Variants in SUGCT observed in about 807,000 individuals in gnomAD.
SUGCT encodes the protein succinyl-CoA:glutarate-CoA transferase.
In SUGCT, 41 loss-of-function variants were observed where a neutral mutation model predicts 55.0. That is an observed-to-expected ratio of 0.74 (90% confidence interval 0.58 to 0.97). The LOEUF is 0.97. Ranked by LOEUF, SUGCT falls within the 50% of genes least tolerant of loss-of-function variation. The pLI is 0.00. For synonymous variants in SUGCT, 187 were observed against 200.4 expected, an observed-to-expected ratio of 0.93 and a Z score of 0.56; for missense variants, 568 against 547.8, an observed-to-expected ratio of 1.04 and a Z score of -0.37.
intron 12 of SUGCT, among the ~76,000 whole-genome samples, chr7:40,623,751 C>T (rs536402055): frequency 3.9e-5 from 6 of 152,118 alleles, no homozygotes; most frequent in South Asian, 2.1e-4. Flanking sequence ...CACACACATT[C>T]CAGTGTGTAA....
the SUGCT span, among the ~76,000 whole-genome samples, chr7:40,881,865 G>A: frequency 1.3e-5 from 2 of 152,140 alleles, no homozygotes; most frequent in African/African-American, 4.8e-5. Context: ...GTAAGCCCTG[G>A]AAAAAGGCAT....
intron 13 of SUGCT, among the ~76,000 whole-genome samples, chr7:40,816,394 GTTAGCACTA>G (rs1791672087): frequency 2.0e-5 from 3 of 152,190 alleles, no homozygotes; most frequent in African/African-American, 7.2e-5. Context: ...CTTTCCCCAA[GTTAGCACTA>G]GGGCTTGGGA....
At chr7:40,475,548 G>A (rs149934748) in intron 11 of SUGCT, among the ~76,000 whole-genome samples, 1 of 152,224 alleles carries the variant, frequency 6.6e-6, no homozygotes, top group African/African-American at 2.4e-5. Context: ...AAACCATATT[G>A]GTGACTAATT....
At chr7:40,520,472 A>G (rs1056703330) in intron 12 of SUGCT, among the ~76,000 whole-genome samples, 1 of 152,128 alleles carries the variant, frequency 6.6e-6, no homozygotes, top group Non-Finnish European at 1.5e-5. Context: ...TCTTAACATC[A>G]AGAGAAATAA....
At chr7:40,987,954 C>CTG in the SUGCT span, among the ~76,000 whole-genome samples, 1 of 151,872 alleles carries the variant, frequency 6.6e-6, no homozygotes, top group Non-Finnish European at 1.5e-5. Flanking sequence ...CTCTTTCTCT[C>CTG]TGTGTGTGTC....
At chr7:40,371,460 T>C (rs970269410) in intron 9 of SUGCT, among the ~76,000 whole-genome samples, 50 of 152,152 alleles carry the variant, frequency 3.3e-4, no homozygotes, top group Non-Finnish European at 8.8e-5. Context: ...GGAATGCAGC[T>C]GTGGAGTCCG....
At chr7:40,596,044 C>T (rs1035403535) in intron 12 of SUGCT, among the ~76,000 whole-genome samples, 7 of 152,086 alleles carry the variant, frequency 4.6e-5, no homozygotes, top group African/African-American at 1.7e-4. Flanking sequence ...TCATTTTATT[C>T]GGGACATGGC....
chr7:40,955,139 A>G, the SUGCT span, among the ~76,000 whole-genome samples: 629 of 152,314 alleles, frequency 4.1e-3, 2 homozygotes, highest in African/African-American at 0.013. Context: ...GTGGTTCCAT[A>G]TAAAATTTAA....
chr7:40,396,365 A>G (rs769655035), intron 9 of SUGCT, among the ~76,000 whole-genome samples: 1 of 152,158 alleles, frequency 6.6e-6, no homozygotes, highest in Non-Finnish European at 1.5e-5. Flanking sequence ...CCTGAAAAGT[A>G]CTCATTGATG....
chr7:40,566,316 T>C (rs1209799937), intron 12 of SUGCT, among the ~76,000 whole-genome samples: 1 of 152,216 alleles, frequency 6.6e-6, no homozygotes, highest in East Asian at 1.9e-4. Context: ...TCAGGACATT[T>C]GGCCGTCGTG....
intron 1 of SUGCT, among the ~76,000 whole-genome samples, chr7:40,171,693 C>CT (rs1358987076): frequency 6.6e-6 from 1 of 152,208 alleles, no homozygotes; most frequent in Non-Finnish European, 1.5e-5. Flanking sequence ...TCTACTGCTG[C>CT]TAAGCAAAGC....
At chr7:40,957,771 A>T in the SUGCT span, among the ~76,000 whole-genome samples, 2 of 151,766 alleles carry the variant, frequency 1.3e-5, no homozygotes, top group African/African-American at 4.8e-5. Context: ...TGGACTTTAC[A>T]TTTTTGTATG....
chr7:40,197,622 A>G (rs1584318067), intron 6 of SUGCT, among the ~76,000 whole-genome samples: 2 of 152,112 alleles, frequency 1.3e-5, no homozygotes, highest in South Asian at 4.1e-4. Flanking sequence ...GAACAAGCCC[A>G]TTTTCACCAG....
intron 13 of SUGCT, among the ~76,000 whole-genome samples, chr7:40,819,492 A>G (rs1221812221): frequency 6.6e-6 from 1 of 151,964 alleles, no homozygotes; most frequent in East Asian, 1.9e-4. Context: ...TTTGATTTGC[A>G]TTTCTCTGAT....
At position 40,193,279 on chromosome 7, in the gene SUGCT, T is replaced by TG. The variant is rs201632767; in HGVS notation, c.364-1660dup. On this transcript the variant is annotated intron_variant, in intron 5 of 13. Transcript: ENST00000335693. ...AGCTATTTGGCCTGGCCAATTACTG[T>TG]GTTTTTTTTTTTTTTTTTTTTTTGA... Among the ~76,000 whole-genome samples, 247 of 124,982 alleles carry TG rather than the reference T, an allele frequency of 2.0e-3. 11 individuals carry two copies. The highest frequency in any genetic ancestry group is 8.4e-3 in the South Asian group (27 of 3,218). 82.0% of individuals were successfully genotyped at this position (124,982 alleles called of 152,430 possible). A position where few individuals can be genotyped will look rare whatever the true frequency, so the allele number is the denominator to read the frequency against.
At chr7:40,677,224 C>T (rs1235908928) in intron 12 of SUGCT, among the ~76,000 whole-genome samples, 6 of 152,138 alleles carry the variant, frequency 3.9e-5, no homozygotes, top group Admixed American at 6.5e-5. Flanking sequence ...CTCTTTCATT[C>T]GGCCAACTCT....
chr7:40,334,894 T>C (rs144235281), intron 9 of SUGCT, among the ~76,000 whole-genome samples: 2,505 of 152,330 alleles, frequency 0.016, 44 homozygotes, highest in African/African-American at 0.051. Context: ...AGGTCTGACA[T>C]TTAAGTCCTT....
intron 9 of SUGCT, among the ~76,000 whole-genome samples, chr7:40,352,142 C>A (rs1030277469): frequency 6.6e-6 from 1 of 151,954 alleles, no homozygotes; most frequent in Non-Finnish European, 1.5e-5. Flanking sequence ...GATCTGTCTG[C>A]TTTTTTTCAA....
intron 7 of SUGCT, among the ~76,000 whole-genome samples, chr7:40,260,512 C>T (rs58491065): frequency 0.066 from 9,990 of 152,134 alleles, 662 homozygotes; most frequent in African/African-American, 0.17. Context: ...AAAGGAGAGC[C>T]TTTCTTATTA....
Sources: allele counts gnomAD v4.1 joint callset (sites outside exome capture counted in the v4.1 genomes callset), GRCh38; gene constraint gnomAD v4.1.1; transcripts MANE v1.5; gene names NCBI Gene and HGNC (gene_info 2026-07-23, HGNC 2026-07-21).